EPHB2: variants seen among roughly 807,000 people sequenced by gnomAD.
EPHB2 encodes ephrin type-B receptor 2.
Under a neutral mutation model 96.4 loss-of-function variants are expected in EPHB2, and 18 were observed. The ratio of observed to expected loss-of-function variants is 0.19; its 90% CI spans 0.13 to 0.28. EPHB2 has a LOEUF of 0.28. Among genes scored for constraint, EPHB2 ranks in the 10% least tolerant of loss-of-function variants. The probability of loss-of-function intolerance (pLI) is 1.00; values close to 1 mark genes in which losing one functional copy is unlikely to be tolerated. For synonymous variants in EPHB2, 506 were observed against 534.1 expected (o/e 0.95, Z 0.72); for missense variants, 989 against 1,355.4 (o/e 0.73, Z 4.25).
In EPHB2 at chr1:22,913,752, GA is replaced by G. The variant is rs56871920; in HGVS notation, c.*191del. 4.6e-4 allele frequency: 724 copies of G among 1,586,484 alleles called. 8 individuals carry two copies. In the African/African-American group the frequency reaches 7.6e-3, roughly 17 times the overall value. ...AAGAAAACATGCAACTCAAACGACG[GA>G]AAAAAAAAGGGAATGGGAAAAAAGA... is the stretch of plus-strand genomic sequence containing the variant. On this transcript the variant is annotated 3_prime_UTR_variant, in exon 16 of 16. Transcript: ENST00000374630. This position sits in a 1 kb window ranked among gnomAD's most constrained non-coding sequence, Gnocchi z 4.1.
At chr1:22,844,902 G>A (rs528644412) in intron 3 of EPHB2, among the ~76,000 whole-genome samples, 9 of 152,312 alleles carry the variant, frequency 5.9e-5, no homozygotes, top group Middle Eastern at 3.4e-3. Flanking sequence ...CAAGGTACTC[G>A]GGCCCTGGAA....
intron 1 of EPHB2, among the ~76,000 whole-genome samples, chr1:22,768,037 C>A (rs1644330643): frequency 6.6e-6 from 1 of 152,192 alleles, no homozygotes; most frequent in Non-Finnish European, 1.5e-5. Flanking sequence ...AGAGATGGCA[C>A]CCTGGGGTGT....
At chr1:22,861,486 A>G (rs749141688) in intron 3 of EPHB2, among the ~76,000 whole-genome samples, 8 of 152,170 alleles carry the variant, frequency 5.3e-5, no homozygotes, top group Non-Finnish European at 8.8e-5. Flanking sequence ...CAAAAATAAA[A>G]ATAAAATTAA....
rs78999870 is a variant in EPHB2 at position 22,835,675 on chromosome 1, C to T, written c.812-27362C>T. 1,280 of 152,272 alleles carry T rather than the reference C, an allele frequency of 8.4e-3. 76 individuals carry two copies. The East Asian group carries it at 0.16, about 19-fold the overall frequency. The allele number at this position is 152,272 out of a possible 1,614,324, so 9.4% of individuals were successfully genotyped here. On this transcript the variant is annotated intron_variant, in intron 3 of 15. Transcript: ENST00000374630. ...CAATGCCTAGCCCATTGTAAGTACT[C>T]GGAAGTCAGCTTTATTCCATATGGG...
At chr1:22,726,424 CT>C (rs772724033) in intron 1 of EPHB2, among the ~76,000 whole-genome samples, 101 of 91,054 alleles carry the variant, frequency 1.1e-3, no homozygotes, top group Middle Eastern at 5.5e-3. Context: ...CTTTTTTTTT[CT>C]TTTTTTTTTT....
chr1:22,725,339 C>G (rs1279260317), intron 1 of EPHB2, among the ~76,000 whole-genome samples: 2 of 151,968 alleles, frequency 1.3e-5, no homozygotes, highest in African/African-American at 4.8e-5. Flanking sequence ...TGATGGTTGG[C>G]TGGCTGGCTG....
chr1:22,848,109 A>G lies in EPHB2; in HGVS notation c.812-14928A>G, dbSNP rs532937685. Among the ~76,000 whole-genome samples the G allele has an allele frequency of 2.6e-5, 4 of 152,298 alleles. No homozygotes were observed. The South Asian group carries it at 8.3e-4, about 32-fold the overall frequency. ...TTTTTATGGAGTAAGTCTATCCTCAAATCAAGGGCAGGCCCTCATGGAACC... is the reference window on the plus strand; with the variant it reads ...TTTTTATGGAGTAAGTCTATCCTCAGATCAAGGGCAGGCCCTCATGGAACC... On this transcript the variant is annotated intron_variant, in intron 3 of 15. Coordinates refer to ENST00000374630, the MANE Select transcript of EPHB2 (RefSeq NM_017449.5).
intron 3 of EPHB2, among the ~76,000 whole-genome samples, chr1:22,850,830 C>T (rs983440920): frequency 6.6e-6 from 1 of 152,170 alleles, no homozygotes; most frequent in Non-Finnish European, 1.5e-5. Flanking sequence ...AGAAACGGCG[C>T]ATGCACAGGC....
At chr1:22,777,771 G>T (rs66895021) in intron 1 of EPHB2, among the ~76,000 whole-genome samples, 19,715 of 152,122 alleles carry the variant, frequency 0.13, 1,907 homozygotes, top group East Asian at 0.56. Flanking sequence ...GGAGCCTCTT[G>T]GGCCTGCCTT....
chr1:22,836,253 G>T (rs1481279070), intron 3 of EPHB2, among the ~76,000 whole-genome samples: 1 of 152,194 alleles, frequency 6.6e-6, no homozygotes, highest in African/African-American at 2.4e-5. Flanking sequence ...CCAGGGTGGG[G>T]GAGAGCCGCT....
intron 1 of EPHB2, among the ~76,000 whole-genome samples, chr1:22,711,434 G>T (rs1381167755): frequency 6.7e-6 from 1 of 149,030 alleles, no homozygotes; most frequent in Non-Finnish European, 1.5e-5. Flanking sequence ...GGGGCGGGGG[G>T]GGCGCCGGCG....
intron 3 of EPHB2, among the ~76,000 whole-genome samples, chr1:22,853,334 C>A (rs1040431199): frequency 1.3e-5 from 2 of 152,228 alleles, no homozygotes; most frequent in Non-Finnish European, 2.9e-5. Context: ...GCCTGGGCGA[C>A]AAACAATTCC....
At position 22,906,680 on chromosome 1, in the gene EPHB2, A is replaced by C; in HGVS notation, c.1889-30A>C. On this transcript the variant is annotated intron_variant, in intron 10 of 15. Transcript: ENST00000374630. The surrounding 1 kb of genome is among the most constrained non-coding windows in gnomAD (Gnocchi z 4.8). ...GTGGCCCTTCCACCTGGCAAGTGACATCCTGTCTGTCTTGGTGTTTCTCTC... is the reference window on the plus strand; with the variant it reads ...GTGGCCCTTCCACCTGGCAAGTGACCTCCTGTCTGTCTTGGTGTTTCTCTC... The C allele has an allele frequency of 1.2e-6, 2 of 1,613,968 alleles. No individual in the cohort carries two copies. The highest frequency in any genetic ancestry group is 8.5e-7 in the Non-Finnish European group (1 of 1,179,994).
At chr1:22,753,400 T>C (rs1474529111) in intron 1 of EPHB2, among the ~76,000 whole-genome samples, 1 of 152,190 alleles carries the variant, frequency 6.6e-6, no homozygotes. Flanking sequence ...TCTTGTCACA[T>C]GATCACGAGG....
chr1:22,841,087 T>C (rs1645460816), intron 3 of EPHB2, among the ~76,000 whole-genome samples: 1 of 148,662 alleles, frequency 6.7e-6, no homozygotes, highest in Non-Finnish European at 1.5e-5. Flanking sequence ...CATAGCAGGT[T>C]CTCAATCAGT....
At chr1:22,888,884 G>A (rs1038921675) in intron 6 of EPHB2, among the ~76,000 whole-genome samples, 4 of 152,248 alleles carry the variant, frequency 2.6e-5, no homozygotes, top group African/African-American at 9.6e-5. Flanking sequence ...GCTGGGTACA[G>A]TGACTCATGT....
chr1:22,880,086 G>A (rs1278448030), intron 5 of EPHB2, among the ~76,000 whole-genome samples: 1 of 152,136 alleles, frequency 6.6e-6, no homozygotes, highest in East Asian at 1.9e-4. Context: ...AGGACTGGCA[G>A]GGAACATTGG....
chr1:22,812,580 G>T (rs866127279), intron 3 of EPHB2, among the ~76,000 whole-genome samples: 8 of 152,286 alleles, frequency 5.3e-5, no homozygotes, highest in African/African-American at 1.7e-4. Context: ...GGAGGGAGGG[G>T]ACTTCAGGGC....
At chr1:22,870,105 C>T (rs2148534190) in intron 5 of EPHB2, among the ~76,000 whole-genome samples, 1 of 152,200 alleles carries the variant, frequency 6.6e-6, no homozygotes, top group East Asian at 1.9e-4. Context: ...TAAACAGACC[C>T]TAAAATTCAA....
Sources: gnomAD v4.1 joint callset for allele counts (sites outside exome capture counted in the v4.1 genomes callset) on GRCh38, gnomAD v4.1.1 for gene constraint, Gnocchi (gnomAD v3.1) non-coding constraint, MANE v1.5 for transcripts, NCBI Gene and HGNC (gene_info 2026-07-23, HGNC 2026-07-21) for gene names.